Variants in GPC5 observed in about 807,000 individuals in gnomAD.
The protein encoded by GPC5 is glypican-5.
In GPC5, 47 loss-of-function variants were observed where a neutral mutation model predicts 53.9. The ratio of observed to expected loss-of-function variants is 0.87; its 90% confidence interval spans 0.69 to 1.11. GPC5 has a LOEUF of 1.11. Ranked by LOEUF, GPC5 falls within the 50% of genes most tolerant of loss-of-function variation. GPC5 has a pLI of 0.00. For missense variants in GPC5, 748 were observed against 713.1 expected (o/e 1.05, Z -0.56); for synonymous variants, 286 against 263.3 (o/e 1.09, Z -0.84).
At chr13:91,740,580 A>G (rs1176523915) in intron 4 of GPC5, among the ~76,000 whole-genome samples, 2 of 152,164 alleles carry the variant, frequency 1.3e-5, no homozygotes, top group Non-Finnish European at 2.9e-5. Flanking sequence ...TTCTGTTTAT[A>G]TAGCATGCTA....
chr13:92,187,127 T>A (rs1391443860), intron 7 of GPC5, among the ~76,000 whole-genome samples: 2 of 151,096 alleles, frequency 1.3e-5, no homozygotes, highest in African/African-American at 2.4e-5. Flanking sequence ...AAAAAAAAAA[T>A]TACTTCTGAA....
chr13:92,828,160 T>TC (rs1877916996), intron 7 of GPC5, among the ~76,000 whole-genome samples: 1 of 151,904 alleles, frequency 6.6e-6, no homozygotes, highest in South Asian at 2.1e-4. Context: ...TATCTGTCCA[T>TC]CCCCCCTCAC....
chr13:91,895,214 G>A (rs1214422164), intron 5 of GPC5, among the ~76,000 whole-genome samples: 5 of 152,090 alleles, frequency 3.3e-5, no homozygotes, highest in African/African-American at 1.2e-4. Context: ...GAAGTGATCT[G>A]GCTTCAGATC....
At chr13:92,827,656 C>A (rs2138817249) in intron 7 of GPC5, among the ~76,000 whole-genome samples, 1 of 152,242 alleles carries the variant, frequency 6.6e-6, no homozygotes, top group Middle Eastern at 3.4e-3. Context: ...AGACAGCAGG[C>A]ACAGCTTGCA....
At chr13:92,288,112 C>T (rs1034236403) in intron 7 of GPC5, among the ~76,000 whole-genome samples, 1 of 151,544 alleles carries the variant, frequency 6.6e-6, no homozygotes, top group Non-Finnish European at 1.5e-5. Context: ...TATTTAAATC[C>T]CTATCTGTTT....
chr13:92,121,133 T>C (rs2138944695), intron 6 of GPC5, among the ~76,000 whole-genome samples: 1 of 152,318 alleles, frequency 6.6e-6, no homozygotes, highest in South Asian at 2.1e-4. Context: ...ATAATTATTT[T>C]CCATATTATT....
chr13:92,854,433 T>C (rs1419987515), intron 7 of GPC5, among the ~76,000 whole-genome samples: 1 of 150,940 alleles, frequency 6.6e-6, no homozygotes, highest in Non-Finnish European at 1.5e-5. Flanking sequence ...GCCAATGCAA[T>C]AAGAAACATT....
At chr13:92,590,228 A>T (rs1883671305) in intron 7 of GPC5, among the ~76,000 whole-genome samples, 1 of 152,144 alleles carries the variant, frequency 6.6e-6, no homozygotes, top group African/African-American at 2.4e-5. Flanking sequence ...AAATACAGAA[A>T]GCTAGGGGCA....
intron 5 of GPC5, among the ~76,000 whole-genome samples, chr13:91,868,854 G>A (rs1459498921): frequency 6.6e-6 from 1 of 152,160 alleles, no homozygotes; most frequent in East Asian, 1.9e-4. Flanking sequence ...AGGAACAGAG[G>A]AATGGGTGAC....
intron 1 of GPC5, among the ~76,000 whole-genome samples, chr13:91,443,547 T>C (rs544853792): frequency 2.0e-4 from 31 of 152,354 alleles, no homozygotes; most frequent in African/African-American, 6.5e-4. Context: ...CTGGTAGTTA[T>C]TTGATAGCTT....
chr13:91,924,475 A>G (rs2039747393), intron 6 of GPC5, among the ~76,000 whole-genome samples: 1 of 152,084 alleles, frequency 6.6e-6, no homozygotes, highest in South Asian at 2.1e-4. Flanking sequence ...ATGGAATCCT[A>G]ACACTTTGGG....
chr13:91,907,165 T>G (rs2138996264), intron 5 of GPC5, among the ~76,000 whole-genome samples: 1 of 149,188 alleles, frequency 6.7e-6, no homozygotes, highest in Non-Finnish European at 1.5e-5. Context: ...ATTGTTTTCC[T>G]TCTACTGTTT....
At position 91,410,431 on chromosome 13, in the gene GPC5, C is replaced by T. The variant is rs535759191; in HGVS notation, c.163+11222C>T. On this transcript the variant is annotated intron_variant, in intron 1 of 7. Coordinates refer to ENST00000377067, the MANE Select transcript of GPC5 (RefSeq NM_004466.6). The stretch of plus-strand genomic sequence containing the variant: ...CACGATCTTGGCTCACTGCAAGCTC[C>T]GCCTGCCAGGTTCGTGCCATTCTCC... Among the ~76,000 whole-genome samples the T allele has an allele frequency of 4.6e-4, 70 of 150,840 alleles. 2 individuals carry two copies. The highest frequency in any genetic ancestry group is 2.5e-3 in the Admixed American group (38 of 15,150).
chr13:92,671,026 G>A (rs1389884199), intron 7 of GPC5, among the ~76,000 whole-genome samples: 4 of 152,036 alleles, frequency 2.6e-5, no homozygotes, highest in African/African-American at 9.7e-5. Context: ...ATAGTACAGG[G>A]GTAGTCTGAA....
At chr13:91,428,576 C>T (rs953890346) in intron 1 of GPC5, among the ~76,000 whole-genome samples, 3 of 152,142 alleles carry the variant, frequency 2.0e-5, no homozygotes, top group Admixed American at 2.0e-4. Flanking sequence ...TGTTTAGGCT[C>T]CAGGCTGTCC....
At chr13:92,385,491 T>C (rs1874610341) in intron 7 of GPC5, among the ~76,000 whole-genome samples, 1 of 141,528 alleles carries the variant, frequency 7.1e-6, no homozygotes, top group East Asian at 2.0e-4. Context: ...TATATACACA[T>C]ATATACATAC....
intron 2 of GPC5, among the ~76,000 whole-genome samples, chr13:91,547,798 C>T (rs996660565): frequency 2.0e-5 from 3 of 152,080 alleles, no homozygotes; most frequent in Non-Finnish European, 4.4e-5. Flanking sequence ...GGATTTATCT[C>T]AGGTATGCAC....
chr13:92,189,013 T>G (rs1318004386), intron 7 of GPC5, among the ~76,000 whole-genome samples: 1 of 152,050 alleles, frequency 6.6e-6, no homozygotes, highest in African/African-American at 2.4e-5. Flanking sequence ...CAGGAACTGG[T>G]GTAGGGGGAG....
intron 7 of GPC5, among the ~76,000 whole-genome samples, chr13:92,744,355 A>G (rs1889189614): frequency 6.6e-6 from 1 of 152,132 alleles, no homozygotes; most frequent in Admixed American, 6.6e-5. Flanking sequence ...GTTTATAACC[A>G]TTCAATAGAA....
Sources: gnomAD v4.1 joint callset for allele counts (sites outside exome capture counted in the v4.1 genomes callset) on GRCh38, gnomAD v4.1.1 for gene constraint, MANE v1.5 for transcripts, NCBI Gene and HGNC (gene_info 2026-07-23, HGNC 2026-07-21) for gene names.